SEMA3A: variants seen among roughly 807,000 people sequenced by gnomAD.
The protein encoded by SEMA3A is semaphorin 3A.
In SEMA3A, 29 loss-of-function variants were observed where a neutral mutation model predicts 97.9. The observed-to-expected ratio is 0.30, with a 90% CI of 0.22 to 0.40. The LOEUF (loss-of-function observed/expected upper bound fraction) is 0.40, where lower values mean the gene tolerates loss of function less well. Among genes scored for constraint, SEMA3A ranks in the 10% least tolerant of loss-of-function variants. SEMA3A has a pLI of 1.00. For missense variants in SEMA3A, 763 were observed against 951.3 expected (o/e 0.80, Z 2.60); for synonymous variants, 321 against 323.7 (o/e 0.99, Z 0.09).
At chr7:84,044,987 T>C (rs530862606) in intron 6 of SEMA3A, among the ~76,000 whole-genome samples, 3 of 152,132 alleles carry the variant, frequency 2.0e-5, no homozygotes, top group South Asian at 2.1e-4. Context: ...AATGCTGTCA[T>C]AGGAGGGAAG....
At chr7:84,026,775 CTTA>C (rs565927054) in intron 6 of SEMA3A, among the ~76,000 whole-genome samples, 11 of 152,236 alleles carry the variant, frequency 7.2e-5, no homozygotes, top group Non-Finnish European at 1.3e-4. Context: ...CATGTTCTCA[CTTA>C]TAAGAGGCAG....
chr7:84,176,799 A>T (rs1797581340), intron 1 of SEMA3A, among the ~76,000 whole-genome samples: 2 of 151,944 alleles, frequency 1.3e-5, no homozygotes, highest in African/African-American at 2.4e-5. Flanking sequence ...CCAACAATTC[A>T]GTCTAGTCAT....
intron 3 of SEMA3A, among the ~76,000 whole-genome samples, chr7:84,284,618 T>A (rs919846781): frequency 6.6e-6 from 1 of 152,172 alleles, no homozygotes; most frequent in African/African-American, 2.4e-5. Context: ...TGTCCCTTTC[T>A]GTAAAGAGTA....
chr7:84,152,317 A>G (rs1796697519), intron 1 of SEMA3A, among the ~76,000 whole-genome samples: 2 of 140,050 alleles, frequency 1.4e-5, no homozygotes, highest in Admixed American at 7.3e-5. Flanking sequence ...GATAGACTGG[A>G]TTAAGAAAAT....
At chr7:84,385,595 CCATTATT>C (rs148773462) in intron 1 of SEMA3A, among the ~76,000 whole-genome samples, 3,956 of 152,174 alleles carry the variant, frequency 0.026, 153 homozygotes, top group African/African-American at 0.089. Flanking sequence ...TTCTTTTATT[CCATTATT>C]CATTCTCTCA....
intron 1 of SEMA3A, among the ~76,000 whole-genome samples, chr7:84,406,594 A>C (rs1804096716): frequency 8.4e-6 from 1 of 119,712 alleles, no homozygotes; most frequent in South Asian, 3.2e-4. Flanking sequence ...GAGACACAAC[A>C]AAAAAAAAGA....
chr7:84,031,281 G>A (rs573502017), intron 6 of SEMA3A, among the ~76,000 whole-genome samples: 17 of 152,050 alleles, frequency 1.1e-4, no homozygotes, highest in East Asian at 3.9e-4. Context: ...GTGAGCCACC[G>A]TACCTGGCCC....
At chr7:84,456,827 G>A (rs1261215764) in intron 1 of SEMA3A, among the ~76,000 whole-genome samples, 2 of 151,680 alleles carry the variant, frequency 1.3e-5, no homozygotes, top group Admixed American at 6.6e-5. Context: ...TGTAGAATAT[G>A]TTAAAAAGAC....
chr7:84,091,328 G>A (rs1319489698), intron 4 of SEMA3A, among the ~76,000 whole-genome samples: 25 of 133,166 alleles, frequency 1.9e-4, no homozygotes, highest in African/African-American at 6.1e-4. Context: ...AAGGAAGAGA[G>A]AGAGAGAAAG....
intron 1 of SEMA3A, among the ~76,000 whole-genome samples, chr7:84,427,561 T>C (rs545951546): frequency 6.8e-6 from 1 of 146,174 alleles, no homozygotes; most frequent in South Asian, 2.1e-4. Flanking sequence ...GCAGAACTGC[T>C]TGAACCAGGG....
At chr7:84,324,004 G>A (rs1349994652) in intron 2 of SEMA3A, among the ~76,000 whole-genome samples, 1 of 152,148 alleles carries the variant, frequency 6.6e-6, no homozygotes, top group Non-Finnish European at 1.5e-5. Flanking sequence ...GTGTTTGAAA[G>A]TTTGTAATTA....
chr7:84,310,832 C>T (rs997112524), intron 2 of SEMA3A, among the ~76,000 whole-genome samples: 1 of 151,926 alleles, frequency 6.6e-6, no homozygotes, highest in African/African-American at 2.4e-5. Context: ...ATATTTCCCT[C>T]ACTTTCTCTT....
intron 1 of SEMA3A, among the ~76,000 whole-genome samples, chr7:84,378,869 T>A (rs1803177007): frequency 6.6e-6 from 1 of 151,744 alleles, no homozygotes. Context: ...AAAATTAAGA[T>A]CCATGACTCT....
At chr7:84,404,571 C>G (rs1436926956) in intron 1 of SEMA3A, among the ~76,000 whole-genome samples, 1 of 152,054 alleles carries the variant, frequency 6.6e-6, no homozygotes, top group Non-Finnish European at 1.5e-5. Flanking sequence ...TCGAGAAGAG[C>G]AACTCCAAGA....
upstream of SEMA3A, among the ~76,000 whole-genome samples, chr7:84,197,733 T>C (rs1322227473): frequency 1.5e-5 from 1 of 67,866 alleles, no homozygotes; most frequent in Non-Finnish European, 2.7e-5. Context: ...GATCACTCTT[T>C]TTTTTTTTTT....
In SEMA3A at chr7:84,134,931, C is replaced by T; in HGVS notation, c.133G>A (p.Val45Met). ...SYKEMLESNN[V>M]ITFNGLANSS... ...TTGGCCAAGCCATTGAAAGTGATCA[C>T]ATTGTTGGATTCCAACATTTCTGCA... The change falls in exon 2 of 17, where the codon GTG becomes ATG. Residue 45 changes from valine (V) to methionine (M), a missense_variant. Coordinates refer to ENST00000265362, the MANE Select transcript of SEMA3A (RefSeq NM_006080.3). The T allele has an allele frequency of 6.2e-7, 1 of 1,612,626 alleles. No individual in the cohort carries two copies. The highest frequency in any genetic ancestry group is 8.5e-7 in the Non-Finnish European group (1 of 1,179,590).
intron 1 of SEMA3A, among the ~76,000 whole-genome samples, chr7:84,394,268 T>C (rs1213166797): frequency 6.6e-6 from 1 of 152,138 alleles, no homozygotes; most frequent in Non-Finnish European, 1.5e-5. Context: ...TGAAAATTTG[T>C]TACTTGCAGT....
At chr7:84,470,638 A>ATACT (rs1266284778) in intron 1 of SEMA3A, among the ~76,000 whole-genome samples, 1 of 152,106 alleles carries the variant, frequency 6.6e-6, no homozygotes, top group Non-Finnish European at 1.5e-5. Flanking sequence ...ATCATGGCTA[A>ATACT]TACTTACTTA....
intron 4 of SEMA3A, among the ~76,000 whole-genome samples, chr7:84,092,104 T>G (rs6970180): frequency 0.41 from 62,372 of 151,542 alleles, 14,636 homozygotes; most frequent in Non-Finnish European, 0.52. Context: ...TGTTCACATA[T>G]ATTTTTTAAA....
Sources: gnomAD v4.1 joint callset for allele counts (sites outside exome capture counted in the v4.1 genomes callset) on GRCh38, gnomAD v4.1.1 for gene constraint, MANE v1.5 for transcripts, NCBI Gene and HGNC (gene_info 2026-07-23, HGNC 2026-07-21) for gene names.